SPATS2L: variants seen among roughly 807,000 people sequenced by gnomAD.
SPATS2L encodes spermatogenesis associated serine rich 2 like, also known as SPATS2-like protein.
Under a neutral mutation model 59.6 loss-of-function variants are expected in SPATS2L, and 30 were observed. The observed-to-expected ratio is 0.50, with a 90% CI of 0.38 to 0.68. The LOEUF (loss-of-function observed/expected upper bound fraction) is 0.68. Ranked by LOEUF, SPATS2L falls within the 30% of genes least tolerant of loss-of-function variation. SPATS2L has a pLI of 0.00. For missense variants in SPATS2L, 615 were observed against 700.0 expected, an observed-to-expected ratio of 0.88 and a Z score of 1.37; for synonymous variants, 252 against 263.5, an observed-to-expected ratio of 0.96 and a Z score of 0.42.
rs940984669 is a variant in SPATS2L at position 200,479,511 on chromosome 2, C to A, written c.*1480C>A. The A allele has an allele frequency of 1.3e-4, 50 of 398,520 alleles. No individual in the cohort carries two copies. Among genetic ancestry groups the A allele is most frequent in the African/African-American group, 9.9e-4 (48 of 48,722 alleles). The allele number at this position is 398,520 out of a possible 1,614,324, so 24.7% of individuals were successfully genotyped here. A position where few individuals can be genotyped will look rare whatever the true frequency, so the allele number is the denominator to read the frequency against. ...CCCACCCCTGGAGCCTGGGTGTGGC[C>A]ATCTTCCCAGAGTTCCTGAGCTAGA... is the stretch of plus-strand genomic sequence containing the variant. On this transcript the variant is annotated 3_prime_UTR_variant, in exon 13 of 13. Transcript: ENST00000409140.
chr2:200,307,404 T>G (rs2079059106), intron 1 of SPATS2L, among the ~76,000 whole-genome samples: 1 of 151,778 alleles, frequency 6.6e-6, no homozygotes, highest in Non-Finnish European at 1.5e-5. Context: ...CACCCCGCCC[T>G]CGGATCCCAG....
chr2:200,395,757 C>T (rs547868417), intron 3 of SPATS2L, among the ~76,000 whole-genome samples: 1 of 151,882 alleles, frequency 6.6e-6, no homozygotes, highest in African/African-American at 2.4e-5. Flanking sequence ...TGGTGGCTCA[C>T]ACCTGCACTT....
intron 2 of SPATS2L, among the ~76,000 whole-genome samples, chr2:200,384,465 T>C (rs1358941998): frequency 6.6e-6 from 1 of 152,230 alleles, no homozygotes. Flanking sequence ...GCCATTCTCC[T>C]GCCTCAGCCT....
intron 2 of SPATS2L, among the ~76,000 whole-genome samples, chr2:200,361,566 C>T (rs985002296): frequency 6.6e-6 from 1 of 152,222 alleles, no homozygotes; most frequent in African/African-American, 2.4e-5. Context: ...GGCTTTCTTG[C>T]TGCAGTTTAA....
chr2:200,418,985 A>G (rs940752189), intron 5 of SPATS2L, among the ~76,000 whole-genome samples: 12 of 152,208 alleles, frequency 7.9e-5, no homozygotes, highest in African/African-American at 2.9e-4. Flanking sequence ...TCAGCTATTT[A>G]AGCCATTCCT....
chr2:200,308,830 G>A (rs577311622), intron 1 of SPATS2L: 1 of 496,692 alleles, frequency 2.0e-6, no homozygotes, highest in African/African-American at 1.9e-5. Flanking sequence ...TTAGTTTAAT[G>A]TGCTCATTTA....
chr2:200,319,521 C>T (rs1394340022), intron 1 of SPATS2L, among the ~76,000 whole-genome samples: 4 of 140,848 alleles, frequency 2.8e-5, no homozygotes, highest in Admixed American at 7.8e-5. Context: ...GCCAAGATTG[C>T]GCCACTGCAC....
chr2:200,394,382 C>A (rs946419159), intron 3 of SPATS2L, among the ~76,000 whole-genome samples: 4 of 152,170 alleles, frequency 2.6e-5, no homozygotes, highest in Admixed American at 2.6e-4. Context: ...GAATGATTCG[C>A]CCTTCCTCTG....
intron 3 of SPATS2L, among the ~76,000 whole-genome samples, chr2:200,408,009 C>A (rs2082746310): frequency 1.3e-5 from 2 of 152,184 alleles, no homozygotes; most frequent in South Asian, 4.1e-4. Context: ...TCTGCCCTCA[C>A]GTTGCCTACC....
At chr2:200,360,619 C>T (rs1040179594) in intron 2 of SPATS2L, among the ~76,000 whole-genome samples, 2 of 152,128 alleles carry the variant, frequency 1.3e-5, no homozygotes, top group African/African-American at 2.4e-5. Context: ...GGAGATAAGC[C>T]GCTCCTCCTT....
intron 2 of SPATS2L, among the ~76,000 whole-genome samples, chr2:200,359,047 C>G (rs537347665): frequency 2.6e-5 from 4 of 152,026 alleles, no homozygotes; most frequent in Non-Finnish European, 4.4e-5. Flanking sequence ...AGGCTGAGCC[C>G]CAAGCTTTTA....
chr2:200,340,537 A>G (rs1415879623), intron 2 of SPATS2L, among the ~76,000 whole-genome samples: 2 of 152,082 alleles, frequency 1.3e-5, no homozygotes, highest in Non-Finnish European at 2.9e-5. Context: ...GCCAGCTGCC[A>G]TCTTTGTTCT....
intron 1 of SPATS2L, 123 bp downstream of exon 1, chr2:200,307,045 C>T (rs1352425292): frequency 2.4e-6 from 2 of 821,798 alleles, no homozygotes; most frequent in Non-Finnish European, 2.9e-6. Flanking sequence ...CCCGGGCCGC[C>T]CAGCCTCCGC....
intron 2 of SPATS2L, among the ~76,000 whole-genome samples, chr2:200,335,003 T>C (rs1216543689): frequency 6.6e-6 from 1 of 152,230 alleles, no homozygotes; most frequent in Non-Finnish European, 1.5e-5. Flanking sequence ...CAGGCTCTTT[T>C]TTGTTTTCAT....
intron 3 of SPATS2L, among the ~76,000 whole-genome samples, chr2:200,408,033 G>GAC (rs377087690): frequency 1.3e-5 from 2 of 152,128 alleles, no homozygotes; most frequent in African/African-American, 2.4e-5. Flanking sequence ...TGGGAGACAC[G>GAC]ACACACACAC....
intron 1 of SPATS2L, among the ~76,000 whole-genome samples, chr2:200,311,220 T>C (rs1231129693): frequency 6.6e-6 from 1 of 152,210 alleles, no homozygotes; most frequent in Non-Finnish European, 1.5e-5. Flanking sequence ...AACTTAGAAA[T>C]TCATGTTGAC....
At chr2:200,351,167 G>C (rs1431176692) in intron 2 of SPATS2L, 3 of 463,190 alleles carry the variant, frequency 6.5e-6, no homozygotes, top group South Asian at 3.1e-5. Context: ...TGCGAACTCT[G>C]AGGGAGAAGT....
chr2:200,402,938 T>G (rs3910513), intron 3 of SPATS2L, among the ~76,000 whole-genome samples: 13,312 of 152,212 alleles, frequency 0.087, 757 homozygotes, highest in Middle Eastern at 0.13. Context: ...AAATGCAAGG[T>G]TCTAAAACAT....
At chr2:200,372,699 T>G (rs1169125751) in intron 2 of SPATS2L, among the ~76,000 whole-genome samples, 1 of 152,194 alleles carries the variant, frequency 6.6e-6, no homozygotes, top group African/African-American at 2.4e-5. Context: ...ACCAGACTAG[T>G]GGAATGAGGA....
Sources: allele counts gnomAD v4.1 joint callset (sites outside exome capture counted in the v4.1 genomes callset), GRCh38; gene constraint gnomAD v4.1.1; transcripts MANE v1.5; gene names NCBI Gene and HGNC (gene_info 2026-07-23, HGNC 2026-07-21).